Variants in GAL observed in about 807,000 individuals in gnomAD.
GAL encodes the protein galanin peptides.
Under a neutral mutation model 15.8 loss-of-function variants are expected in GAL, and 14 were observed. That is an observed-to-expected ratio of 0.89 (90% CI 0.59 to 1.39). The LOEUF (loss-of-function observed/expected upper bound fraction) is 1.39. Ranked by LOEUF, GAL falls within the 40% of genes most tolerant of loss-of-function variation. GAL has a pLI of 0.00. For synonymous variants in GAL, 79 were observed against 73.8 expected (o/e 1.07, Z -0.36); for missense variants, 176 against 170.4 (o/e 1.03, Z -0.18).
chr11:68,685,708 C>A, intron 3 of GAL, 60 bp downstream of exon 3: 1 of 1,226,578 alleles, frequency 8.2e-7, no homozygotes, highest in South Asian at 1.2e-5. Flanking sequence ...CGCTTTGAAC[C>A]CTGGCTCCTG....
chr11:68,687,883 C>T (rs1021091391), intron 3 of GAL, 131 bp from the exon 4 acceptor site: 26 of 651,340 alleles, frequency 4.0e-5, no homozygotes, highest in East Asian at 2.4e-4. Context: ...TGGTGTCTGT[C>T]CCTGGGCTCT....
intron 3 of GAL, among the ~76,000 whole-genome samples, chr11:68,686,305 C>T (rs1304218684): frequency 6.6e-6 from 1 of 152,168 alleles, no homozygotes; most frequent in African/African-American, 2.4e-5. Flanking sequence ...GCAGCAATGC[C>T]TTCTGACTTT....
intron 3 of GAL, among the ~76,000 whole-genome samples, chr11:68,686,246 G>A (rs927279113): frequency 2.6e-5 from 4 of 151,932 alleles, no homozygotes; most frequent in Non-Finnish European, 4.4e-5. Flanking sequence ...CCCCGTGTCC[G>A]CCCCCGCCCC....
intron 4 of GAL, 83 bp downstream of exon 4, chr11:68,688,183 G>A (rs904866567): frequency 2.0e-5 from 17 of 862,460 alleles, no homozygotes; most frequent in African/African-American, 1.8e-4. Flanking sequence ...TGTGGGTGTC[G>A]GGGCTGTCCA....
intron 5 of GAL, among the ~76,000 whole-genome samples, chr11:68,689,885 A>T (rs1213456742): frequency 6.6e-6 from 1 of 152,234 alleles, no homozygotes; most frequent in Non-Finnish European, 1.5e-5. Flanking sequence ...CTTGGCATTC[A>T]TTCTACGATG....
At chr11:68,684,798 G>T (rs1256373518) in intron 1 of GAL, 66 bp downstream of exon 1, 3 of 612,822 alleles carry the variant, frequency 4.9e-6, no homozygotes, top group Non-Finnish European at 8.7e-6. Flanking sequence ...CCTCTGCCCA[G>T]GGACGGTTCT....
Position 68,690,921 on chromosome 11 carries a change from C to G in GAL, c.306C>G (p.Ala102=), listed in dbSNP as rs147122838. 2 of 1,610,886 alleles carry G rather than the reference C, an allele frequency of 1.2e-6. No homozygotes were observed. Among genetic ancestry groups the G allele is most frequent in the South Asian group, 1.1e-5 (1 of 91,034 alleles). Residue 102 remains alanine, a synonymous_variant, in exon 6 of 6, where the codon GCC becomes GCG. Transcript: ENST00000265643. ...ATGTGGCTCTTCCCTTTGCAGAGGC[C>G]GGTGCCCTCGACCGCCTCCTGGATC... The part of the protein sequence containing the change: ...EFLSFLHLKE[A]GALDRLLDLP...
At chr11:68,689,695 C>G (rs572679032) in intron 5 of GAL, among the ~76,000 whole-genome samples, 1 of 152,122 alleles carries the variant, frequency 6.6e-6, no homozygotes, top group Non-Finnish European at 1.5e-5. Flanking sequence ...CTGTGCCTGG[C>G]CCTAAACCAT....
Position 68,684,915 on chromosome 11 carries a change from C to G in GAL, c.1-9C>G. ...GTTCCGACCCGCCCGCCCTGTCCTT[C>G]CCTTCCAGATGGCCCGAGGCAGCGC... On this transcript the variant is annotated splice_polypyrimidine_tract_variant and intron_variant, in intron 1 of 5. Transcript: ENST00000265643. The G allele has an allele frequency of 6.3e-7, 1 of 1,591,834 alleles. No homozygotes were observed. Among genetic ancestry groups the G allele is most frequent in the African/African-American group, 1.3e-5 (1 of 74,574 alleles).
intron 4 of GAL, 88 bp downstream of exon 4, chr11:68,688,188 T>C (rs1319045578): frequency 3.3e-5 from 27 of 807,820 alleles, no homozygotes; most frequent in Non-Finnish European, 5.0e-5. Context: ...GTGTCGGGGC[T>C]GTCCACAGCT....
chr11:68,689,449 T>C (rs1363374412), intron 5 of GAL, among the ~76,000 whole-genome samples: 1 of 151,956 alleles, frequency 6.6e-6, no homozygotes, highest in East Asian at 1.9e-4. Flanking sequence ...CAGGCTCGAA[T>C]GTAGTGGTGC....
intron 5 of GAL, among the ~76,000 whole-genome samples, chr11:68,689,580 A>G (rs1945886872): frequency 6.6e-6 from 1 of 152,116 alleles, no homozygotes; most frequent in South Asian, 2.1e-4. Context: ...TATTTTTAGT[A>G]GAGGCTGGGG....
At chr11:68,685,778 C>T (rs1011627651) in intron 3 of GAL, 130 bp downstream of exon 3, 2 of 708,454 alleles carry the variant, frequency 2.8e-6, no homozygotes, top group East Asian at 5.4e-5. Context: ...TTGCCCGTCT[C>T]CATTGCTCTG....
chr11:68,689,341 C>T (rs1362559303), intron 5 of GAL, among the ~76,000 whole-genome samples: 1 of 152,010 alleles, frequency 6.6e-6, no homozygotes, highest in Non-Finnish European at 1.5e-5. Flanking sequence ...TCTCTTCTCT[C>T]TTTTCTTTCT....
chr11:68,685,412 A>C (rs1050078990), intron 2 of GAL, among the ~76,000 whole-genome samples, 182 bp from the exon 3 acceptor site: 1 of 152,244 alleles, frequency 6.6e-6, no homozygotes, highest in African/African-American at 2.4e-5. Context: ...TTTCGTAAAT[A>C]AAGTGGTTCC....
In GAL at chr11:68,684,580, C is replaced by T. The variant is rs565947490; in HGVS notation, c.-153C>T. ...CGGACACGTGGAGGGACCCGGCCCG[C>T]GCCTTCTGCCCCTGCTGCCGGCCGC... On this transcript the variant is annotated 5_prime_UTR_variant, in exon 1 of 6. Transcript: ENST00000265643. 1.5e-3 allele frequency: 298 copies of T among 205,442 alleles called. No individual in the cohort carries two copies. Among genetic ancestry groups the T allele is most frequent in the Non-Finnish European group, 2.4e-3 (243 of 103,064 alleles). The allele number at this position is 205,442 out of a possible 1,614,324, so 12.7% of individuals were successfully genotyped here.
rs1358326518 is a variant in GAL, at chr11:68,685,522, A to G, written c.82-72A>G. The G allele has an allele frequency of 3.3e-5, 34 of 1,030,118 alleles. No homozygotes were observed. In the Admixed American group the frequency reaches 4.3e-4, roughly 13 times the overall value. 63.8% of individuals were successfully genotyped at this position (1,030,118 alleles called of 1,614,324 possible). ...TCTAAGTCCTCTGCCATGCCGGGAA[A>G]GCCTGGGTGCACCCATTCAGCATAG... On this transcript the variant is annotated intron_variant, in intron 2 of 5. Transcript: ENST00000265643.
In GAL at chr11:68,685,582, T is replaced by C; in HGVS notation, c.82-12T>C. 1.2e-6 allele frequency: 2 copies of C among 1,608,138 alleles called. No homozygotes were observed. Among genetic ancestry groups the C allele is most frequent in the Middle Eastern group, 3.3e-4 (2 of 6,054 alleles). On this transcript the variant is annotated splice_polypyrimidine_tract_variant and intron_variant, in intron 2 of 5. Transcript: ENST00000265643. ...ACAGCCCTGGCATCTGATCCCCTTT[T>C]CTCCCTTCAAGGCCAAGGAAAAACG... is the stretch of plus-strand genomic sequence containing the variant.
In GAL at chr11:68,685,561, C is replaced by T. The variant is rs750501090; in HGVS notation, c.82-33C>T. The T allele has an allele frequency of 3.3e-6, 5 of 1,535,724 alleles. No individual in the cohort carries two copies. In the South Asian group the frequency reaches 4.5e-5, roughly 14 times the overall value. ...CATTCAGCATAGGCTCCAGGCACAG[C>T]CCTGGCATCTGATCCCCTTTTCTCC... On this transcript the variant is annotated intron_variant, in intron 2 of 5. Transcript: ENST00000265643.
Sources: allele counts gnomAD v4.1 joint callset (sites outside exome capture counted in the v4.1 genomes callset), GRCh38; gene constraint gnomAD v4.1.1; transcripts MANE v1.5; gene names NCBI Gene and HGNC (gene_info 2026-07-23, HGNC 2026-07-21).